The following CDH12 variants were observed in gnomAD, a reference collection of about 807,000 sequenced individuals.
CDH12 encodes the protein cadherin 12, also known as cadherin-12.
In CDH12, 41 loss-of-function variants were observed where a neutral mutation model predicts 74.1. The observed-to-expected ratio is 0.55, with a 90% CI of 0.43 to 0.72. The LOEUF (loss-of-function observed/expected upper bound fraction) is 0.72. Ranked by LOEUF, CDH12 falls within the 30% of genes least tolerant of loss-of-function variation. CDH12 has a pLI of 0.00. For missense variants in CDH12, 945 were observed against 977.2 expected, an observed-to-expected ratio of 0.97 and a Z score of 0.44; for synonymous variants, 399 against 355.0, an observed-to-expected ratio of 1.12 and a Z score of -1.39.
intron 5 of CDH12, among the ~76,000 whole-genome samples, chr5:22,005,382 A>G (rs994160438): frequency 6.6e-6 from 1 of 152,104 alleles, no homozygotes; most frequent in Non-Finnish European, 1.5e-5. Flanking sequence ...TCATCCATTG[A>G]TGGGCACTGA....
chr5:22,290,380 A>C, intron 3 of CDH12, among the ~76,000 whole-genome samples: 1 of 152,208 alleles, frequency 6.6e-6, no homozygotes. Flanking sequence ...AAAATACAGG[A>C]GAGCCATTCA....
Position 22,529,223 on chromosome 5 carries a change from AG to A in CDH12, c.-522-23860del, listed in dbSNP as rs1167762353. ...GAGAGAGAGAGAGAGAGAGAGAGAG[AG>A]AAGAGAGAGAGAGAGATTTATTATA... On this transcript the variant is annotated intron_variant, in intron 1 of 14. Coordinates refer to ENST00000382254, the MANE Select transcript of CDH12 (RefSeq NM_004061.5). Among the ~76,000 whole-genome samples the A allele has an allele frequency of 2.1e-4, 30 of 144,462 alleles. 1 individual carries two copies. In the South Asian group the frequency reaches 2.7e-3, roughly 13 times the overall value. The allele number at this position is 144,462 out of a possible 152,430, so 94.8% of individuals were successfully genotyped here. A position where few individuals can be genotyped will look rare whatever the true frequency, so the allele number is the denominator to read the frequency against.
intron 4 of CDH12, among the ~76,000 whole-genome samples, chr5:22,149,430 A>T (rs1747424597): frequency 6.6e-6 from 1 of 152,104 alleles, no homozygotes; most frequent in Non-Finnish European, 1.5e-5. Context: ...ATTTTGCTTG[A>T]GTTGTCCTAT....
intron 4 of CDH12, among the ~76,000 whole-genome samples, chr5:22,091,195 G>GTATATATA (rs1320597002): frequency 7.6e-6 from 1 of 132,186 alleles, no homozygotes; most frequent in African/African-American, 3.1e-5. Flanking sequence ...GTGTGTGTGT[G>GTATATATA]TGTATATATA....
At chr5:22,673,754 C>T (rs1050316447) in intron 1 of CDH12, among the ~76,000 whole-genome samples, 2 of 152,018 alleles carry the variant, frequency 1.3e-5, no homozygotes, top group African/African-American at 2.4e-5. Context: ...AACTTGAGTG[C>T]TTACTCATAA....
In CDH12 at chr5:21,900,020, T is replaced by C. The variant is rs952991439; in HGVS notation, c.527-45230A>G. Among the ~76,000 whole-genome samples the C allele has an allele frequency of 4.6e-5, 7 of 152,270 alleles. No homozygotes were observed. In the East Asian group the frequency reaches 1.3e-3, roughly 29 times the overall value. On this transcript the variant is annotated intron_variant, in intron 6 of 14. Coordinates refer to ENST00000382254, the MANE Select transcript of CDH12 (RefSeq NM_004061.5). ...TTTATATATACAAATCCACAGATTT[T>C]ATATATCTAGCTAGATACATAGATA...
intron 4 of CDH12, among the ~76,000 whole-genome samples, chr5:22,184,402 A>G (rs769968239): frequency 1.3e-5 from 2 of 152,172 alleles, no homozygotes; most frequent in Non-Finnish European, 2.9e-5. Context: ...CCCCTGAGGC[A>G]AAGTTAAGGC....
At chr5:22,613,395 AGAT>A (rs921147424) in intron 1 of CDH12, among the ~76,000 whole-genome samples, 2 of 152,082 alleles carry the variant, frequency 1.3e-5, no homozygotes, top group African/African-American at 4.8e-5. Context: ...TATTATTTTT[AGAT>A]GATTGTAATC....
chr5:22,625,522 G>A (rs1469066976), intron 1 of CDH12, among the ~76,000 whole-genome samples: 1 of 152,122 alleles, frequency 6.6e-6, no homozygotes, highest in Non-Finnish European at 1.5e-5. Flanking sequence ...TTTGGTTCAG[G>A]AAGGGTTGTA....
chr5:22,705,997 A>G (rs555930935), intron 1 of CDH12, among the ~76,000 whole-genome samples: 175 of 152,204 alleles, frequency 1.1e-3, no homozygotes, highest in Admixed American at 1.4e-3. Flanking sequence ...ATGATATGAC[A>G]TATGTTATTT....
At chr5:22,248,575 C>A (rs973213333) in intron 3 of CDH12, among the ~76,000 whole-genome samples, 1 of 151,892 alleles carries the variant, frequency 6.6e-6, no homozygotes, top group Non-Finnish European at 1.5e-5. Context: ...ACTCTGGATA[C>A]CACACTTTGG....
chr5:22,090,316 TTAA>T lies in CDH12; in HGVS notation c.-186-11457_-186-11455del, dbSNP rs1240731946. 1.1e-4 allele frequency among the ~76,000 whole-genome samples: 17 copies of T among 151,438 alleles called. No homozygotes were observed. The East Asian group carries it at 3.1e-3, about 28-fold the overall frequency. On this transcript the variant is annotated intron_variant, in intron 4 of 14. Coordinates refer to ENST00000382254, the MANE Select transcript of CDH12 (RefSeq NM_004061.5). Reference sequence around the variant, plus strand: ...GGACACATTTTTAGAAAGACAAAAATTAATAATATTACCTCAAAGGTTTAGAAG... The same window carrying T: ...GGACACATTTTTAGAAAGACAAAAATTAATATTACCTCAAAGGTTTAGAAG...
intron 3 of CDH12, among the ~76,000 whole-genome samples, chr5:22,376,889 ATAAG>A (rs1442129018): frequency 6.6e-6 from 1 of 152,148 alleles, no homozygotes; most frequent in Non-Finnish European, 1.5e-5. Flanking sequence ...CCAATAATAA[ATAAG>A]TAAATGAAAA....
intron 1 of CDH12, among the ~76,000 whole-genome samples, chr5:22,715,824 G>T (rs538136555): frequency 1.8e-4 from 27 of 148,078 alleles, no homozygotes; most frequent in African/African-American, 6.7e-4. Flanking sequence ...AGAAAAAAAA[G>T]AAAAAAGAAA....
intron 3 of CDH12, among the ~76,000 whole-genome samples, chr5:22,238,797 A>G (rs1488755033): frequency 1.3e-5 from 2 of 152,216 alleles, no homozygotes; most frequent in African/African-American, 4.8e-5. Context: ...TCATTTAATC[A>G]CATGTATATG....
rs1455831373 is a variant in CDH12 at position 22,420,459 on chromosome 5, A to C, written c.-427-15108T>G. Among the ~76,000 whole-genome samples, 3 of 151,918 alleles carry C rather than the reference A, an allele frequency of 2.0e-5. No homozygotes were observed. The East Asian group carries it at 5.8e-4, about 29-fold the overall frequency. Reference sequence around the variant, plus strand: ...TTTCCCCATTGTTTGTTTTTGTCAGATTTGTCAAAGACTGGATGATTATAG... The same window carrying C: ...TTTCCCCATTGTTTGTTTTTGTCAGCTTTGTCAAAGACTGGATGATTATAG... On this transcript the variant is annotated intron_variant, in intron 2 of 14. Coordinates refer to ENST00000382254, the MANE Select transcript of CDH12 (RefSeq NM_004061.5).
chr5:22,571,300 T>C (rs1016749214), intron 1 of CDH12, among the ~76,000 whole-genome samples: 2 of 152,136 alleles, frequency 1.3e-5, no homozygotes, highest in African/African-American at 2.4e-5. Flanking sequence ...TGTCATGCCT[T>C]CCTCACTAAG....
At chr5:22,071,199 T>TC (rs1491388760) in intron 5 of CDH12, among the ~76,000 whole-genome samples, 2 of 152,038 alleles carry the variant, frequency 1.3e-5, no homozygotes, top group Non-Finnish European at 2.9e-5. Context: ...AATAATATTT[T>TC]CTTTTTTTCT....
chr5:22,066,208 G>T (rs1741547557), intron 5 of CDH12, among the ~76,000 whole-genome samples: 1 of 151,966 alleles, frequency 6.6e-6, no homozygotes, highest in Admixed American at 6.6e-5. Flanking sequence ...GTGGTAGTTG[G>T]TGATATGAGT....
Sources: allele counts gnomAD v4.1 joint callset (sites outside exome capture counted in the v4.1 genomes callset), GRCh38; gene constraint gnomAD v4.1.1; transcripts MANE v1.5; gene names NCBI Gene and HGNC (gene_info 2026-07-23, HGNC 2026-07-21).